HNRNPK: variants seen among roughly 807,000 people sequenced by gnomAD.
The protein encoded by HNRNPK is dC-stretch binding protein.
Under a neutral mutation model 67.0 loss-of-function variants are expected in HNRNPK, and 7 were observed. That is an observed-to-expected ratio of 0.10 (90% confidence interval 0.06 to 0.20). The LOEUF is 0.20. HNRNPK is among the 10% of genes least tolerant of loss of function. HNRNPK has a pLI of 1.00. For missense variants in HNRNPK, 264 were observed against 606.5 expected (o/e 0.44, Z 5.93); for synonymous variants, 213 against 193.7 (o/e 1.10, Z -0.83).
At chr9:83,977,144 C>T in intron 4 of HNRNPK, 93 bp from the exon 5 acceptor site, 6 of 873,942 alleles carry the variant, frequency 6.9e-6, no homozygotes, top group Non-Finnish European at 1.1e-5. Context: ...ATCCTCTAAC[C>T]TGTTTGTTAT....
intron 4 of HNRNPK, among the ~76,000 whole-genome samples, chr9:83,977,412 A>G (rs1034364319): frequency 9.2e-5 from 14 of 152,188 alleles, no homozygotes; most frequent in Non-Finnish European, 1.9e-4. Flanking sequence ...CAGTTTCCTA[A>G]GGAGTCCACA....
intron 14 of HNRNPK, 21 bp downstream of exon 14, chr9:83,970,876 T>C: frequency 6.2e-7 from 1 of 1,611,642 alleles, no homozygotes; most frequent in Non-Finnish European, 8.5e-7. Flanking sequence ...AATGTTTGAC[T>C]TCACAAAGGA....
rs1204594411 is a variant in HNRNPK, at chr9:83,978,408, C to A, written c.-63G>T. 17 of 1,401,384 alleles carry A rather than the reference C, an allele frequency of 1.2e-5. No individual in the cohort carries two copies. 86.8% of individuals were successfully genotyped at this position (1,401,384 alleles called of 1,614,324 possible). On this transcript the variant is annotated 5_prime_UTR_variant, in exon 2 of 17. Coordinates refer to ENST00000376263, the MANE Select transcript of HNRNPK (RefSeq NM_031263.4). ...ATATCCTTGCAGAGCAGAACTGAAG[C>A]GTTCTGGGTCGGACCAACAACTGAC...
Position 83,971,890 on chromosome 9 carries a change from A to G in HNRNPK, c.945T>C (p.Pro315=). 6.4e-7 allele frequency: 1 copy of G among 1,557,682 alleles called. No individual in the cohort carries two copies. Among genetic ancestry groups the G allele is most frequent in the Non-Finnish European group, 8.7e-7 (1 of 1,153,444 alleles). The change falls in exon 11 of 17, where the codon CCT becomes CCC. Residue 315 remains proline, a synonymous_variant. Coordinates refer to ENST00000376263, the MANE Select transcript of HNRNPK (RefSeq NM_031263.4). ...RNLPLPPPPP[P]RGGDLMAYDR... is the part of the protein sequence containing the mutation. ...CAAAAAAAACAACTTACCCCCCTCT[A>G]GGTGGTGGTGGTGGAGGAAGAGGAA...
At chr9:83,976,539 A>G (rs558442590) in intron 5 of HNRNPK, 6 of 152,996 alleles carry the variant, frequency 3.9e-5, no homozygotes, top group African/African-American at 1.4e-4. Context: ...CCTCAACATT[A>G]AATTCTTTGT....
In HNRNPK at chr9:83,972,109, C is replaced by T. The variant is rs762215609; in HGVS notation, c.726G>A (p.Met242Ile). Residue 242 changes from methionine (M) to isoleucine (I), a missense_variant, in exon 11 of 17, where the codon ATG becomes ATA. Physicochemically the swap from Met to Ile is conservative, Grantham distance 10. This residue lies in a region of HNRNPK where 142 missense variants were observed against 256.5 expected (regional missense o/e 0.55). Transcript: ENST00000376263. ...ETYDYGGFTMMFDDRRGRPVG... is the reference protein window; with the variant it reads ...ETYDYGGFTMIFDDRRGRPVG... The stretch of plus-strand genomic sequence containing the variant: ...CTGGGCGTCCGCGACGGTCATCAAA[C>T]ATCATTGTAAAACCACCATAATCAT... 20 of 1,613,750 alleles carry T rather than the reference C, an allele frequency of 1.2e-5. No individual in the cohort carries two copies. Among genetic ancestry groups the T allele is most frequent in the South Asian group, 5.5e-5 (5 of 91,056 alleles).
At chr9:83,973,172 G>A (rs550190413) in intron 9 of HNRNPK, 114 bp downstream of exon 9, 23 of 788,560 alleles carry the variant, frequency 2.9e-5, no homozygotes, top group South Asian at 2.6e-4. Context: ...TGTCATTTGC[G>A]ATAAGCAATC....
At chr9:83,978,616 C>CA (rs1957183547) in intron 1 of HNRNPK, among the ~76,000 whole-genome samples, 164 bp from the exon 2 acceptor site, 1 of 152,126 alleles carries the variant, frequency 6.6e-6, no homozygotes, top group African/African-American at 2.4e-5. Context: ...CTAAAAAATA[C>CA]AAAATTCAAG....
In HNRNPK at chr9:83,971,674, T is replaced by C; in HGVS notation, c.1006A>G (p.Met336Val). 1.2e-6 allele frequency: 2 copies of C among 1,612,958 alleles called. No homozygotes were observed. The highest frequency in any genetic ancestry group is 1.3e-5 in the African/African-American group (1 of 75,024). The change falls in exon 12 of 17, where the codon ATG becomes GTG. Residue 336 changes from methionine to valine, a missense_variant and splice_region_variant. Met to Val is a conservative substitution (Grantham distance 21). Coordinates refer to ENST00000376263, the MANE Select transcript of HNRNPK (RefSeq NM_031263.4). Reference protein sequence around the residue: ...RGRPGDRYDGMVGFSADETWD... With the variant: ...RGRPGDRYDGVVGFSADETWD... The stretch of plus-strand genomic sequence containing the variant: ...TGGTAATAAACCAAAGTTCTTACCA[T>C]GCCGTCGTAACGGTCTCCAGGTCTC...
chr9:83,969,617 TGAG>T (rs780829152), intron 16 of HNRNPK, 177 bp from the exon 17 acceptor site: 22 of 624,470 alleles, frequency 3.5e-5, no homozygotes, highest in African/African-American at 3.1e-4. Flanking sequence ...AGAAAAATGA[TGAG>T]TAGTAAATCG....
chr9:83,978,501 T>G (rs1957176310), intron 1 of HNRNPK, 49 bp from the exon 2 acceptor site: 2 of 518,744 alleles, frequency 3.9e-6, no homozygotes, highest in Admixed American at 9.1e-5. Flanking sequence ...TTCTTATTAC[T>G]GAATATTTGT....
intron 4 of HNRNPK, 92 bp from the exon 5 acceptor site, chr9:83,977,143 C>A: frequency 2.3e-6 from 2 of 886,530 alleles, no homozygotes; most frequent in South Asian, 1.4e-5. Flanking sequence ...AATCCTCTAA[C>A]CTGTTTGTTA....
intron 6 of HNRNPK, among the ~76,000 whole-genome samples, chr9:83,974,814 T>G (rs1203266292): frequency 2.0e-5 from 3 of 152,196 alleles, no homozygotes; most frequent in Non-Finnish European, 4.4e-5. Flanking sequence ...ACAGAGAGAA[T>G]GGGCTTTTGG....
rs536631552 is a variant in HNRNPK at position 83,974,849 on chromosome 9, A to G, written c.258-260T>C. On this transcript the variant is annotated intron_variant, in intron 6 of 16. Coordinates refer to ENST00000376263, the MANE Select transcript of HNRNPK (RefSeq NM_031263.4). ...GAAGGGCTCAGATTAAGTGGGCAAT[A>G]AACTGACCAGAACTGAAGCAGAGTT... 3.3e-5 allele frequency among the ~76,000 whole-genome samples: 5 copies of G among 152,350 alleles called. No homozygotes were observed. In the South Asian group the frequency reaches 8.3e-4, roughly 25 times the overall value.
Position 83,968,211 on chromosome 9 carries a change from A to C in HNRNPK, c.*1196T>G, listed in dbSNP as rs1029206576. 3.9e-5 allele frequency: 6 copies of C among 152,562 alleles called. No individual in the cohort carries two copies. Among genetic ancestry groups the C allele is most frequent in the African/African-American group, 1.4e-4 (6 of 41,444 alleles). 9.5% of individuals were successfully genotyped at this position (152,562 alleles called of 1,614,324 possible). A position where few individuals can be genotyped will look rare whatever the true frequency, so the allele number is the denominator to read the frequency against. Reference sequence around the variant, plus strand: ...TGGGTGTTTTATTTATTTGGAAGTGAATTTTAACTATCAATACAAATGCCA... The same window carrying C: ...TGGGTGTTTTATTTATTTGGAAGTGCATTTTAACTATCAATACAAATGCCA... On this transcript the variant is annotated 3_prime_UTR_variant, in exon 17 of 17. Coordinates refer to ENST00000376263, the MANE Select transcript of HNRNPK (RefSeq NM_031263.4).
chr9:83,972,411 T>C, intron 10 of HNRNPK: 1 of 541,848 alleles, frequency 1.8e-6, no homozygotes, highest in Middle Eastern at 4.8e-4. Flanking sequence ...TTCTATTGCC[T>C]ATACAGGGAG....
intron 6 of HNRNPK, among the ~76,000 whole-genome samples, chr9:83,974,986 T>C (rs1180595277): frequency 6.6e-6 from 1 of 152,218 alleles, no homozygotes; most frequent in Non-Finnish European, 1.5e-5. Context: ...GTGGTGAACA[T>C]TGTATCTGGA....
chr9:83,969,159 A>G lies in HNRNPK; in HGVS notation c.*248T>C, dbSNP rs747870638. The G allele has an allele frequency of 7.6e-6, 4 of 524,206 alleles. No individual in the cohort carries two copies. Among genetic ancestry groups the G allele is most frequent in the African/African-American group, 3.9e-5 (2 of 51,198 alleles). 32.5% of individuals were successfully genotyped at this position (524,206 alleles called of 1,614,324 possible). On this transcript the variant is annotated 3_prime_UTR_variant, in exon 17 of 17. Transcript: ENST00000376263. ...ACTCTGCTGCTGTTTCAAAATTTCA[A>G]TGTTAGTTTTTGCACGCCCTTCCCC...
At chr9:83,977,401 G>A (rs1448511437) in intron 4 of HNRNPK, among the ~76,000 whole-genome samples, 3 of 152,054 alleles carry the variant, frequency 2.0e-5, no homozygotes, top group Admixed American at 1.3e-4. Flanking sequence ...TGCCAACCAA[G>A]CAGTTTCCTA....
Sources: allele counts gnomAD v4.1 joint callset (sites outside exome capture counted in the v4.1 genomes callset), GRCh38; gene constraint gnomAD v4.1.1; regional missense constraint gnomAD v4.1.1; transcripts MANE v1.5; gene names NCBI Gene and HGNC (gene_info 2026-07-23, HGNC 2026-07-21).